The following TMEM17 variants were observed in gnomAD, a reference collection of about 807,000 sequenced individuals.
TMEM17 encodes the protein transmembrane protein 17.
Under a neutral mutation model 19.1 loss-of-function variants are expected in TMEM17, and 15 were observed. The observed-to-expected ratio is 0.78, with a 90% CI of 0.52 to 1.21. The LOEUF (loss-of-function observed/expected upper bound fraction) is 1.21, where lower values mean the gene tolerates loss of function less well. Among genes scored for constraint, TMEM17 ranks in the 50% most tolerant of loss-of-function variants. The pLI is 0.00. For missense variants in TMEM17, 245 were observed against 242.3 expected, an observed-to-expected ratio of 1.01 and a Z score of -0.07; for synonymous variants, 103 against 86.9, an observed-to-expected ratio of 1.19 and a Z score of -1.03.
chr2:62,475,024 C>G, the TMEM17 span, among the ~76,000 whole-genome samples: 1 of 152,208 alleles, frequency 6.6e-6, no homozygotes, highest in Admixed American at 6.5e-5. Flanking sequence ...CACCCAGGTC[C>G]TATCTTAGAA....
chr2:62,484,381 A>T, the TMEM17 span, among the ~76,000 whole-genome samples: 1 of 152,064 alleles, frequency 6.6e-6, no homozygotes, highest in Non-Finnish European at 1.5e-5. Context: ...CCACACTCTG[A>T]TTGGCTGCCA....
chr2:62,475,247 A>G, the TMEM17 span, among the ~76,000 whole-genome samples: 739 of 152,306 alleles, frequency 4.9e-3, 3 homozygotes, highest in African/African-American at 0.017. Context: ...CCTAGCACAG[A>G]TGCTAATTTG....
chr2:62,487,293 C>G, the TMEM17 span, among the ~76,000 whole-genome samples: 2 of 152,304 alleles, frequency 1.3e-5, no homozygotes, highest in East Asian at 3.9e-4. Context: ...GCTGGTCGGG[C>G]CTTTCTCACA....
downstream of TMEM17, among the ~76,000 whole-genome samples, chr2:62,498,067 T>C (rs1679816046): frequency 6.6e-6 from 1 of 152,232 alleles, no homozygotes; most frequent in Non-Finnish European, 1.5e-5. Flanking sequence ...TATGTTAAAG[T>C]AATAAGTTTC....
At chr2:62,499,550 T>C (rs1245391761), downstream of TMEM17, among the ~76,000 whole-genome samples, 2 of 152,172 alleles carry the variant, frequency 1.3e-5, no homozygotes, top group Non-Finnish European at 2.9e-5. Flanking sequence ...CTGAACTTTA[T>C]ATATAATCAT....
At chr2:62,467,269 T>C in the TMEM17 span, among the ~76,000 whole-genome samples, 67 of 144,694 alleles carry the variant, frequency 4.6e-4, no homozygotes, top group South Asian at 2.0e-3. Flanking sequence ...TCCCTGCCCA[T>C]GATTGCAGGA....
At chr2:62,480,646 C>T in the TMEM17 span, among the ~76,000 whole-genome samples, 6 of 152,122 alleles carry the variant, frequency 3.9e-5, no homozygotes, top group East Asian at 1.2e-3. Context: ...TTTACCAGCA[C>T]ATTTTATTGA....
At chr2:62,453,648 C>T in the TMEM17 span, among the ~76,000 whole-genome samples, 3 of 152,208 alleles carry the variant, frequency 2.0e-5, no homozygotes, top group East Asian at 3.8e-4. Context: ...TAAACAAAAA[C>T]CTCTGTAGAC....
At chr2:62,458,570 T>C in the TMEM17 span, among the ~76,000 whole-genome samples, 1 of 152,192 alleles carries the variant, frequency 6.6e-6, no homozygotes, top group Admixed American at 6.5e-5. Flanking sequence ...TCTCGAAGCA[T>C]TGTGGTAACG....
chr2:62,477,776 C>G, the TMEM17 span, among the ~76,000 whole-genome samples: 1 of 152,220 alleles, frequency 6.6e-6, no homozygotes, highest in Non-Finnish European at 1.5e-5. Flanking sequence ...GACTGAGATA[C>G]AAACACAGGA....
At chr2:62,475,655 G>C in the TMEM17 span, among the ~76,000 whole-genome samples, 2 of 152,238 alleles carry the variant, frequency 1.3e-5, no homozygotes, top group Non-Finnish European at 2.9e-5. Flanking sequence ...ATTGTAAAGA[G>C]GAGAAAAGAA....
the TMEM17 span, among the ~76,000 whole-genome samples, chr2:62,473,026 C>T: frequency 2.0e-5 from 3 of 152,158 alleles, no homozygotes; most frequent in African/African-American, 2.4e-5. Context: ...CAATAAGAAC[C>T]AAACTCAGAG....
chr2:62,477,984 G>C, the TMEM17 span, among the ~76,000 whole-genome samples: 1 of 152,182 alleles, frequency 6.6e-6, no homozygotes, highest in East Asian at 1.9e-4. Context: ...GGATCCTACA[G>C]CTCCCCAGTA....
intron 3 of TMEM17, chr2:62,501,725 G>A (rs996003692): frequency 9.0e-6 from 4 of 442,586 alleles, no homozygotes; most frequent in African/African-American, 2.0e-5. Context: ...ATATTTAGAA[G>A]TACAGACTAA....
the TMEM17 span, among the ~76,000 whole-genome samples, chr2:62,459,120 T>G: frequency 6.6e-6 from 1 of 152,246 alleles, no homozygotes; most frequent in Admixed American, 6.5e-5. Flanking sequence ...AGTTGGATAA[T>G]TGTTCCCTGG....
At position 62,502,785 on chromosome 2, in the gene TMEM17, A is replaced by G. The variant is rs1679967003; in HGVS notation, c.110T>C (p.Met37Thr). 3.1e-6 allele frequency: 5 copies of G among 1,599,140 alleles called. No homozygotes were observed. The highest frequency in any genetic ancestry group is 4.3e-6 in the Non-Finnish European group (5 of 1,173,964). Residue 37 changes from methionine (M) to threonine (T), a missense_variant, in exon 2 of 4, where the codon ATG (methionine) becomes ACG (threonine). Met to Thr is a moderately conservative substitution (Grantham distance 81). Transcript: ENST00000335390. ...PESNEGPENE[M>T]VSSLALQMSL... ...CATCTGCAGTGCCAAACTGGAGACC[A>G]TTTCATTTTCTACAGAAGGAACAGA... is the stretch of plus-strand genomic sequence containing the variant.
the TMEM17 span, among the ~76,000 whole-genome samples, chr2:62,457,301 G>A: frequency 6.6e-6 from 1 of 152,224 alleles, no homozygotes; most frequent in Non-Finnish European, 1.5e-5. This position sits in a 1 kb window ranked among gnomAD's most constrained non-coding sequence, Gnocchi z 4.2. Context: ...TCTAGAGAAG[G>A]CAGAGACTGC....
intron 1 of TMEM17, among the ~76,000 whole-genome samples, chr2:62,503,688 T>C (rs1348133447): frequency 6.6e-6 from 1 of 152,240 alleles, no homozygotes; most frequent in Non-Finnish European, 1.5e-5. Flanking sequence ...CCTCTTTCCT[T>C]CTTCTCTTCT....
chr2:62,505,908 A>T, intron 1 of TMEM17, 122 bp downstream of exon 1: 2 of 977,010 alleles, frequency 2.0e-6, no homozygotes, highest in Non-Finnish European at 1.5e-6. Context: ...GCTCTCCCGC[A>T]CTGCGGAGAA....
Sources: gnomAD v4.1 joint callset for allele counts (sites outside exome capture counted in the v4.1 genomes callset) on GRCh38, gnomAD v4.1.1 for gene constraint, Gnocchi (gnomAD v3.1) non-coding constraint, MANE v1.5 for transcripts, NCBI Gene and HGNC (gene_info 2026-07-23, HGNC 2026-07-21) for gene names.